Variants in GPT2 observed in about 807,000 individuals in gnomAD.
GPT2 encodes glutamic--pyruvic transaminase 2, also known as alanine aminotransferase 2.
In GPT2, 30 loss-of-function variants were observed where a neutral mutation model predicts 56.9. That is an observed-to-expected ratio of 0.53 (90% confidence interval 0.39 to 0.72). The LOEUF is 0.72. Ranked by LOEUF, GPT2 falls within the 30% of genes least tolerant of loss-of-function variation. GPT2 has a pLI of 0.00. For missense variants in GPT2, 542 were observed against 703.4 expected (o/e 0.77, Z 2.60); for synonymous variants, 271 against 283.1 (o/e 0.96, Z 0.43).
At chr16:46,924,244 A>G (rs750322586) in intron 9 of GPT2, 145 bp from the exon 10 acceptor site, 4 of 862,016 alleles carry the variant, frequency 4.6e-6, no homozygotes, top group South Asian at 1.4e-5. Context: ...ATCTGAGTCA[A>G]CGCATGGGTC....
intron 4 of GPT2, among the ~76,000 whole-genome samples, chr16:46,902,948 C>A (rs1050344339): frequency 1.1e-4 from 17 of 151,928 alleles, no homozygotes; most frequent in African/African-American, 4.1e-4. Flanking sequence ...TTTATCATAC[C>A]CTTTAAAATT....
In GPT2 at chr16:46,887,342, C is replaced by G. The variant is rs1960502775; in HGVS notation, c.243+2384C>G. ...AATTAGCCGGGCATGGTGGTACACG[C>G]TTGTAACTCCAGCTACTCGGCAGGC... On this transcript the variant is annotated intron_variant, in intron 2 of 11. Transcript: ENST00000340124. Among the ~76,000 whole-genome samples, 8 of 152,240 alleles carry G rather than the reference C, an allele frequency of 5.3e-5. No individual in the cohort carries two copies. The South Asian group carries it at 1.7e-3, about 32-fold the overall frequency.
intron 10 of GPT2, among the ~76,000 whole-genome samples, chr16:46,924,854 C>T (rs1961371094): frequency 6.6e-6 from 1 of 152,198 alleles, no homozygotes; most frequent in East Asian, 1.9e-4. Context: ...GGAGCTACCA[C>T]CTCCACCCAG....
chr16:46,928,953 A>G lies in GPT2; in HGVS notation c.1528A>G (p.Lys510Glu). The G allele has an allele frequency of 6.2e-7, 1 of 1,614,180 alleles. No individual in the cohort carries two copies. The highest frequency in any genetic ancestry group is 8.5e-7 in the Non-Finnish European group (1 of 1,180,008). Residue 510 changes from lysine to glutamate, a missense_variant, in exon 12 of 12, where the codon AAG (lysine) becomes GAG (glutamate). Lys to Glu is a moderately conservative substitution (Grantham distance 56, BLOSUM62 1). Coordinates refer to ENST00000340124, the MANE Select transcript of GPT2 (RefSeq NM_133443.4). ...GGAGAAGCTGAAAACGGTGCTGCAGAAGGTGAAAGACTTCCACATCAACTT... is the reference window on the plus strand; with the variant it reads ...GGAGAAGCTGAAAACGGTGCTGCAGGAGGTGAAAGACTTCCACATCAACTT... ...PVEKLKTVLQ[K>E]VKDFHINFLE...
chr16:46,903,292 A>C (rs1960856735), intron 4 of GPT2, among the ~76,000 whole-genome samples: 1 of 151,504 alleles, frequency 6.6e-6, no homozygotes, highest in Admixed American at 6.6e-5. Flanking sequence ...GCAGGGCTTC[A>C]TGTTTTTGTT....
chr16:46,902,352 C>T (rs1183114338), intron 4 of GPT2, among the ~76,000 whole-genome samples: 1 of 152,110 alleles, frequency 6.6e-6, no homozygotes, highest in Non-Finnish European at 1.5e-5. Flanking sequence ...TACTTTGTAC[C>T]CACCTCCTCG....
At chr16:46,895,210 G>T in intron 2 of GPT2, among the ~76,000 whole-genome samples, 1 of 152,048 alleles carries the variant, frequency 6.6e-6, no homozygotes, top group East Asian at 1.9e-4. Flanking sequence ...AAGCCTGCTG[G>T]TTTGTTGTTG....
At chr16:46,921,055 T>C (rs966641792) in intron 8 of GPT2, among the ~76,000 whole-genome samples, 1 of 152,198 alleles carries the variant, frequency 6.6e-6, no homozygotes, top group African/African-American at 2.4e-5. Flanking sequence ...ACCAGACACT[T>C]TTCTGAGATG....
chr16:46,924,356 A>C, intron 9 of GPT2, 33 bp from the exon 10 acceptor site: 1 of 1,612,252 alleles, frequency 6.2e-7, no homozygotes, highest in Non-Finnish European at 8.5e-7. Flanking sequence ...ATCCAGAGAT[A>C]CTGACTGCTG....
rs1479664365 is a variant in GPT2, at chr16:46,929,829, T to TGTGG, written c.*833_*836dup. The TGTGG allele has an allele frequency of 6.6e-6, 1 of 152,370 alleles. No homozygotes were observed. The highest frequency in any genetic ancestry group is 1.5e-5 in the Non-Finnish European group (1 of 68,154). 9.4% of individuals were successfully genotyped at this position (152,370 alleles called of 1,614,324 possible). A position where few individuals can be genotyped will look rare whatever the true frequency, so the allele number is the denominator to read the frequency against. ...TCCGTGGAGAGAGCCGCTGGAATGG[T>TGTGG]GTGGACCCATCCCGCGGGTGACCGG... On this transcript the variant is annotated 3_prime_UTR_variant, in exon 12 of 12. Coordinates refer to ENST00000340124, the MANE Select transcript of GPT2 (RefSeq NM_133443.4).
At chr16:46,906,725 C>T in intron 4 of GPT2, 117 bp from the exon 5 acceptor site, 1 of 1,381,214 alleles carries the variant, frequency 7.2e-7, no homozygotes, top group Non-Finnish European at 1.0e-6. Flanking sequence ...GAGTTGGGCC[C>T]CACCCCGAGA....
intron 6 of GPT2, among the ~76,000 whole-genome samples, chr16:46,913,245 CTT>C (rs1406575662): frequency 1.3e-5 from 2 of 152,316 alleles, no homozygotes; most frequent in Non-Finnish European, 2.9e-5. Flanking sequence ...GGGCTGAAGT[CTT>C]TTTAAGGCTC....
chr16:46,913,571 G>T (rs946092989), intron 6 of GPT2, among the ~76,000 whole-genome samples: 7 of 152,182 alleles, frequency 4.6e-5, no homozygotes, highest in Non-Finnish European at 7.3e-5. Flanking sequence ...CGTTAGTAAA[G>T]GAATTGGTTC....
chr16:46,906,642 G>A (rs1347355602), intron 4 of GPT2, among the ~76,000 whole-genome samples, 200 bp from the exon 5 acceptor site: 3 of 152,132 alleles, frequency 2.0e-5, no homozygotes, highest in African/African-American at 7.2e-5. Context: ...GTAGATGGGT[G>A]GATGGATAGA....
In GPT2 at chr16:46,929,130, CT is replaced by C; in HGVS notation, c.*134del. 4.5e-6 allele frequency: 3 copies of C among 670,474 alleles called. No individual in the cohort carries two copies. The highest frequency in any genetic ancestry group is 5.3e-6 in the Non-Finnish European group (2 of 374,002). The allele number at this position is 670,474 out of a possible 1,614,324, so 41.5% of individuals were successfully genotyped here. On this transcript the variant is annotated 3_prime_UTR_variant, in exon 12 of 12. Transcript: ENST00000340124. ...TGGTCACTTCGTCATCATTTTGCCC[CT>C]GGAGACGTCTTTCTTTGTGCCTTGA...
chr16:46,929,003 C>T lies in GPT2; in HGVS notation c.*6C>T. On this transcript the variant is annotated 3_prime_UTR_variant, in exon 12 of 12. Coordinates refer to ENST00000340124, the MANE Select transcript of GPT2 (RefSeq NM_133443.4). ...TCCTGGAGAAGTACGCGTGAGGACG[C>T]CTGAGCCCCAGCGGGAGACCTGTCC... 6.2e-7 allele frequency: 1 copy of T among 1,611,544 alleles called. No homozygotes were observed. Among genetic ancestry groups the T allele is most frequent in the South Asian group, 1.1e-5 (1 of 91,026 alleles).
chr16:46,905,571 C>A (rs927178648), intron 4 of GPT2, among the ~76,000 whole-genome samples: 2 of 152,130 alleles, frequency 1.3e-5, no homozygotes, highest in Admixed American at 1.3e-4. Context: ...CACATCTGAC[C>A]CCCAGCCCCC....
At chr16:46,903,000 G>T (rs1960849189) in intron 4 of GPT2, among the ~76,000 whole-genome samples, 1 of 151,988 alleles carries the variant, frequency 6.6e-6, no homozygotes, top group African/African-American at 2.4e-5. Context: ...TGTAATCCCA[G>T]TACTTTGGGA....
chr16:46,890,301 A>G (rs1172483430), intron 2 of GPT2, among the ~76,000 whole-genome samples: 1 of 152,156 alleles, frequency 6.6e-6, no homozygotes, highest in Non-Finnish European at 1.5e-5. Flanking sequence ...CCCTAGCCCC[A>G]GTCAGTGCCC....
Sources: gnomAD v4.1 joint callset for allele counts (sites outside exome capture counted in the v4.1 genomes callset) on GRCh38, gnomAD v4.1.1 for gene constraint, MANE v1.5 for transcripts, NCBI Gene and HGNC (gene_info 2026-07-23, HGNC 2026-07-21) for gene names.